GLIS3: variants seen among roughly 807,000 people sequenced by gnomAD.
GLIS3 encodes zinc finger protein GLIS3.
In GLIS3, 53 loss-of-function variants were observed where a neutral mutation model predicts 78.6. That is an observed-to-expected ratio of 0.67 (90% CI 0.54 to 0.85). The LOEUF (loss-of-function observed/expected upper bound fraction) is 0.85. GLIS3 is among the 40% of genes least tolerant of loss of function. GLIS3 has a pLI of 0.00. For synonymous variants in GLIS3, 684 were observed against 509.9 expected (o/e 1.34, Z -4.60); for missense variants, 1,703 against 1,231.1 (o/e 1.38, Z -5.74).
the GLIS3 span, among the ~76,000 whole-genome samples, chr9:4,353,411 A>T: frequency 6.6e-6 from 1 of 152,292 alleles, no homozygotes; most frequent in South Asian, 2.1e-4. Flanking sequence ...GGAGTTAACG[A>T]GCAGCAAAAC....
chr9:3,914,118 T>A (rs932665521), intron 6 of GLIS3, among the ~76,000 whole-genome samples: 8 of 138,802 alleles, frequency 5.8e-5, no homozygotes, highest in South Asian at 2.5e-4. Flanking sequence ...AAATTTTTTT[T>A]AAAAAGACAC....
chr9:4,226,509 A>G (rs933020230), intron 2 of GLIS3, among the ~76,000 whole-genome samples: 1 of 152,202 alleles, frequency 6.6e-6, no homozygotes, highest in Non-Finnish European at 1.5e-5. Flanking sequence ...TCCGCCTCAC[A>G]GAAACAACCC....
chr9:4,196,941 C>T (rs1019304423), intron 2 of GLIS3, among the ~76,000 whole-genome samples: 3 of 151,324 alleles, frequency 2.0e-5, no homozygotes, highest in African/African-American at 7.3e-5. Context: ...TCCGCTCCAC[C>T]CCTAGGCAGA....
In GLIS3 at chr9:4,062,143, G is replaced by C. The variant is rs115280347; in HGVS notation, c.1710+55625C>G. On this transcript the variant is annotated intron_variant, in intron 4 of 10. Transcript: ENST00000381971. ...GTTGTGAAAGTTAATGTCTGTAAAGGACTGTGCGTTCTTTGACGCAAAGGA... is the reference window on the plus strand; with the variant it reads ...GTTGTGAAAGTTAATGTCTGTAAAGCACTGTGCGTTCTTTGACGCAAAGGA... Among the ~76,000 whole-genome samples the C allele has an allele frequency of 4.6e-5, 7 of 152,280 alleles. No individual in the cohort carries two copies. The South Asian group carries it at 1.2e-3, about 27-fold the overall frequency.
At chr9:4,332,387 C>T (rs553126302) in intron 2 of GLIS3, among the ~76,000 whole-genome samples, 78 of 152,330 alleles carry the variant, frequency 5.1e-4, no homozygotes, top group African/African-American at 1.5e-3. Flanking sequence ...GCTGAGCACA[C>T]GGCTGCTCAA....
intron 4 of GLIS3, among the ~76,000 whole-genome samples, chr9:3,973,055 A>G (rs1818507062): frequency 1.3e-5 from 2 of 152,194 alleles, no homozygotes. Context: ...GGACCCACAG[A>G]ACTCACTGAA....
intron 4 of GLIS3, among the ~76,000 whole-genome samples, chr9:4,096,359 C>T (rs1829949062): frequency 6.6e-6 from 1 of 152,162 alleles, no homozygotes; most frequent in Non-Finnish European, 1.5e-5. Flanking sequence ...GAATAGTTTT[C>T]AACTGAAAGG....
chr9:4,342,299 T>A (rs1428597314), intron 2 of GLIS3, among the ~76,000 whole-genome samples: 1 of 152,206 alleles, frequency 6.6e-6, no homozygotes, highest in Non-Finnish European at 1.5e-5. Context: ...AGGTTCAATC[T>A]TCTGCACGCG....
intron 3 of GLIS3, chr9:4,123,684 A>G: frequency 2.5e-6 from 1 of 394,874 alleles, no homozygotes; most frequent in Non-Finnish European, 4.5e-6. Flanking sequence ...TATGTAGATT[A>G]CTAGATCAAT....
At chr9:3,989,590 T>C (rs529109563) in intron 4 of GLIS3, among the ~76,000 whole-genome samples, 1 of 152,228 alleles carries the variant, frequency 6.6e-6, no homozygotes, top group African/African-American at 2.4e-5. Context: ...CTTGGATGAA[T>C]CTCCAGTGAA....
At chr9:4,416,227 G>A in the GLIS3 span, among the ~76,000 whole-genome samples, 7 of 120,616 alleles carry the variant, frequency 5.8e-5, no homozygotes, top group Admixed American at 2.9e-4. Context: ...ACTCTGGCCT[G>A]AGTGAGAGAG....
At chr9:4,396,107 G>C in the GLIS3 span, among the ~76,000 whole-genome samples, 1 of 150,516 alleles carries the variant, frequency 6.6e-6, no homozygotes, top group Non-Finnish European at 1.5e-5. Flanking sequence ...ATCAAGGGAG[G>C]CCATTTTTAC....
intron 2 of GLIS3, among the ~76,000 whole-genome samples, chr9:4,257,405 C>T (rs942794632): frequency 1.3e-5 from 2 of 152,110 alleles, no homozygotes; most frequent in African/African-American, 4.8e-5. Context: ...GTCTAACATA[C>T]AGCATAAGGA....
At chr9:4,336,073 C>G (rs1189337669) in intron 2 of GLIS3, among the ~76,000 whole-genome samples, 1 of 152,110 alleles carries the variant, frequency 6.6e-6, no homozygotes, top group Non-Finnish European at 1.5e-5. Flanking sequence ...CCTCCATTTC[C>G]CAATCTGTTT....
intron 6 of GLIS3, among the ~76,000 whole-genome samples, chr9:3,906,345 G>C (rs1209175574): frequency 6.6e-6 from 1 of 152,200 alleles, no homozygotes; most frequent in Non-Finnish European, 1.5e-5. Context: ...AACGGCTTGA[G>C]GGAACCAGAG....
intron 2 of GLIS3, among the ~76,000 whole-genome samples, chr9:4,140,979 T>C (rs1833769305): frequency 6.6e-6 from 1 of 152,164 alleles, no homozygotes; most frequent in Admixed American, 6.5e-5. Context: ...TTTGTATTTT[T>C]AGTAGAGACG....
chr9:4,050,031 A>T (rs913676257), intron 4 of GLIS3, among the ~76,000 whole-genome samples: 14 of 152,302 alleles, frequency 9.2e-5, no homozygotes, highest in East Asian at 5.8e-4. Context: ...CATGTGGAAG[A>T]CAGTGTGGCA....
At chr9:4,224,058 A>T (rs1821554851) in intron 2 of GLIS3, among the ~76,000 whole-genome samples, 1 of 151,934 alleles carries the variant, frequency 6.6e-6, no homozygotes, top group South Asian at 2.1e-4. Context: ...AAACATGTTG[A>T]AAGTGCCAAA....
chr9:3,990,708 G>T (rs1004138102), intron 4 of GLIS3, among the ~76,000 whole-genome samples: 1 of 151,910 alleles, frequency 6.6e-6, no homozygotes, highest in Non-Finnish European at 1.5e-5. Context: ...GACAGCCAAG[G>T]GTGTAACTAA....
Sources: allele counts gnomAD v4.1 joint callset (sites outside exome capture counted in the v4.1 genomes callset), GRCh38; gene constraint gnomAD v4.1.1; transcripts MANE v1.5; gene names NCBI Gene and HGNC (gene_info 2026-07-23, HGNC 2026-07-21).